The following CCSER1 variants were observed in gnomAD, a reference collection of about 807,000 sequenced individuals.
CCSER1 encodes serine-rich coiled-coil domain-containing protein 1.
A neutral mutation model predicts 82.0 loss-of-function variants in CCSER1; 41 were observed. The ratio of observed to expected loss-of-function variants is 0.50; its 90% CI spans 0.39 to 0.65. CCSER1 has a LOEUF of 0.65. CCSER1 is among the 30% of genes least tolerant of loss of function. The pLI is 0.00. For missense variants in CCSER1, 1,119 were observed against 1,064.2 expected, an observed-to-expected ratio of 1.05 and a Z score of -0.72; for synonymous variants, 414 against 383.9, an observed-to-expected ratio of 1.08 and a Z score of -0.92.
intron 10 of CCSER1, among the ~76,000 whole-genome samples, chr4:91,100,844 C>A (rs1159450552): frequency 6.6e-6 from 1 of 152,026 alleles, no homozygotes; most frequent in Non-Finnish European, 1.5e-5. Context: ...GTTGATCAAG[C>A]AAAACTAAGC....
chr4:90,755,000 C>T (rs1749261691), intron 7 of CCSER1, among the ~76,000 whole-genome samples: 1 of 151,998 alleles, frequency 6.6e-6, no homozygotes, highest in Admixed American at 6.6e-5. Context: ...GAGTTCCTGC[C>T]ATCACATCAG....
intron 1 of CCSER1, among the ~76,000 whole-genome samples, chr4:90,169,711 G>C (rs1731266218): frequency 2.6e-5 from 4 of 152,030 alleles, no homozygotes; most frequent in Admixed American, 2.6e-4. Flanking sequence ...TGGAGCATAT[G>C]AACAGCTTCT....
At chr4:90,975,723 C>A (rs951169396) in intron 9 of CCSER1, among the ~76,000 whole-genome samples, 1 of 151,176 alleles carries the variant, frequency 6.6e-6, no homozygotes, top group Non-Finnish European at 1.5e-5. Flanking sequence ...AAGGATATTG[C>A]AACATCACAT....
chr4:90,214,976 C>T (rs1312429608), intron 1 of CCSER1, among the ~76,000 whole-genome samples: 3 of 151,946 alleles, frequency 2.0e-5, no homozygotes, highest in Non-Finnish European at 4.4e-5. Flanking sequence ...TTCTTTTTGA[C>T]AGATTTGTTA....
intron 10 of CCSER1, among the ~76,000 whole-genome samples, chr4:91,110,635 T>C (rs1333150244): frequency 1.3e-5 from 2 of 152,056 alleles, no homozygotes; most frequent in Non-Finnish European, 2.9e-5. Context: ...TTTGTTTATC[T>C]CTGTCAGTCT....
At chr4:90,725,678 T>C (rs1050533597) in intron 7 of CCSER1, among the ~76,000 whole-genome samples, 33 of 151,698 alleles carry the variant, frequency 2.2e-4, no homozygotes, top group African/African-American at 7.5e-4. Context: ...AAATGAGTAA[T>C]ATAATACTTA....
In CCSER1 at chr4:91,105,329, A is replaced by G. The variant is rs1055273009; in HGVS notation, c.2217+19335A>G. 5.9e-5 allele frequency among the ~76,000 whole-genome samples: 9 copies of G among 152,082 alleles called. No homozygotes were observed. The East Asian group carries it at 9.7e-4, about 16-fold the overall frequency. ...AAGGGCTTCCTCTTTGCCCTCTGCT[A>G]TTTACCCAAGAGCTTCTTGTTCTCT... On this transcript the variant is annotated intron_variant, in intron 10 of 10. Transcript: ENST00000509176.
At chr4:91,288,796 A>G (rs1410921671) in intron 10 of CCSER1, among the ~76,000 whole-genome samples, 1 of 152,076 alleles carries the variant, frequency 6.6e-6, no homozygotes, top group East Asian at 1.9e-4. Flanking sequence ...TTCTTGGGAC[A>G]GATACAAAAA....
At chr4:91,203,435 C>T (rs887515356) in intron 10 of CCSER1, among the ~76,000 whole-genome samples, 3 of 151,378 alleles carry the variant, frequency 2.0e-5, no homozygotes, top group Admixed American at 2.0e-4. Context: ...TCTTCTGTTC[C>T]AGGTATTGGA....
intron 1 of CCSER1, among the ~76,000 whole-genome samples, chr4:90,204,141 T>C (rs1738313099): frequency 6.6e-6 from 1 of 152,230 alleles, no homozygotes; most frequent in African/African-American, 2.4e-5. Context: ...TTCTGTAGGT[T>C]GCCTTTTCAC....
chr4:91,105,086 C>G (rs1033878092), intron 10 of CCSER1, among the ~76,000 whole-genome samples: 1 of 151,894 alleles, frequency 6.6e-6, no homozygotes, highest in Non-Finnish European at 1.5e-5. Flanking sequence ...CATTGTCTAT[C>G]ATTTCACTCT....
chr4:90,325,167 G>A (rs1022084546), intron 3 of CCSER1, among the ~76,000 whole-genome samples: 7 of 152,120 alleles, frequency 4.6e-5, no homozygotes, highest in South Asian at 2.1e-4. Flanking sequence ...TTGGTGTTCC[G>A]ATGTGGGGAC....
intron 10 of CCSER1, among the ~76,000 whole-genome samples, chr4:91,231,951 C>CA (rs1353421551): frequency 6.6e-6 from 1 of 151,650 alleles, no homozygotes; most frequent in Non-Finnish European, 1.5e-5. Flanking sequence ...GAATTTAGAG[C>CA]AAAAACATTT....
intron 10 of CCSER1, among the ~76,000 whole-genome samples, chr4:91,175,569 G>A (rs1424823997): frequency 6.6e-6 from 1 of 152,048 alleles, no homozygotes; most frequent in Non-Finnish European, 1.5e-5. Flanking sequence ...TTCTCTGATG[G>A]GCAGTGATGA....
At chr4:91,441,422 C>T (rs542002018) in intron 10 of CCSER1, among the ~76,000 whole-genome samples, 3 of 12,546 alleles carry the variant, frequency 2.4e-4, no homozygotes, top group Non-Finnish European at 9.1e-4. Flanking sequence ...ATTCAACAAC[C>T]CTTCATGCTA....
intron 9 of CCSER1, among the ~76,000 whole-genome samples, chr4:91,025,649 G>A (rs1354711345): frequency 6.6e-6 from 1 of 152,110 alleles, no homozygotes; most frequent in African/African-American, 2.4e-5. Flanking sequence ...CTAGAACACT[G>A]TGCCAAGGAC....
At chr4:90,145,639 T>A (rs1278535960) in intron 1 of CCSER1, among the ~76,000 whole-genome samples, 1 of 152,130 alleles carries the variant, frequency 6.6e-6, no homozygotes, top group Non-Finnish European at 1.5e-5. Flanking sequence ...ATGCAGTCAT[T>A]GTCTTAAGAT....
chr4:91,380,873 A>G (rs183837773), intron 10 of CCSER1, among the ~76,000 whole-genome samples: 4 of 152,256 alleles, frequency 2.6e-5, no homozygotes, highest in African/African-American at 9.6e-5. Context: ...ATGTTTTTGC[A>G]GTGGCTGGTA....
intron 8 of CCSER1, among the ~76,000 whole-genome samples, chr4:90,863,305 T>C (rs924329329): frequency 6.6e-6 from 1 of 152,032 alleles, no homozygotes; most frequent in African/African-American, 2.4e-5. Context: ...AGAAATTATT[T>C]TATTAACATC....
Sources: gnomAD v4.1 joint callset for allele counts (sites outside exome capture counted in the v4.1 genomes callset) on GRCh38, gnomAD v4.1.1 for gene constraint, MANE v1.5 for transcripts, NCBI Gene and HGNC (gene_info 2026-07-23, HGNC 2026-07-21) for gene names.